The following SNAPC1 variants were observed in gnomAD, a reference collection of about 807,000 sequenced individuals.
SNAPC1 encodes snRNA-activating protein complex subunit 1.
A neutral mutation model predicts 50.1 loss-of-function variants in SNAPC1; 42 were observed. That is an observed-to-expected ratio of 0.84 (90% CI 0.65 to 1.08). The LOEUF (loss-of-function observed/expected upper bound fraction) is 1.08, where lower values mean the gene tolerates loss of function less well. Among genes scored for constraint, SNAPC1 ranks in the 50% least tolerant of loss-of-function variants. SNAPC1 has a pLI of 0.00. For synonymous variants in SNAPC1, 164 were observed against 144.2 expected, an observed-to-expected ratio of 1.14 and a Z score of -0.98; for missense variants, 477 against 427.3, an observed-to-expected ratio of 1.12 and a Z score of -1.02.
intron 2 of SNAPC1, 87 bp from the exon 3 acceptor site, chr14:61,767,125 A>T (rs1405427989): frequency 9.0e-7 from 1 of 1,109,528 alleles, no homozygotes; most frequent in African/African-American, 1.6e-5. Flanking sequence ...AATATGATTT[A>T]AATAAAATGC....
chr14:61,785,601 T>C lies in SNAPC1; in HGVS notation c.976+3204T>C, dbSNP rs556258963. Among the ~76,000 whole-genome samples the C allele has an allele frequency of 5.9e-5, 9 of 152,330 alleles. No homozygotes were observed. In the South Asian group the frequency reaches 1.9e-3, roughly 32 times the overall value. ...AGACATGTGCCCAGTGTGGTCGGGA[T>C]ACAGTTTGCTTTTATACATTTTAGG... On this transcript the variant is annotated intron_variant, in intron 8 of 9. Transcript: ENST00000216294.
intron 7 of SNAPC1, 57 bp downstream of exon 7, chr14:61,778,967 CA>C: frequency 1.0e-6 from 1 of 973,224 alleles, no homozygotes; most frequent in South Asian, 1.5e-5. Context: ...AATTATATTT[CA>C]ATTTTTCATC....
In SNAPC1 at chr14:61,762,549, C is replaced by T. The variant is rs747103185; in HGVS notation, c.89C>T (p.Thr30Met). ...GACAGTGTACGCTTCGAGGACTTCA[C>T]GGAGCTCTGGAGAAACATGAAGTTC... ...ETDSVRFEDF[T>M]ELWRNMKFGT... Residue 30 changes from threonine (T) to methionine (M), a missense_variant, in exon 1 of 10, where the codon ACG becomes ATG. Coordinates refer to ENST00000216294, the MANE Select transcript of SNAPC1 (RefSeq NM_003082.4). 1 of 1,597,894 alleles carries T rather than the reference C, an allele frequency of 6.3e-7. No individual in the cohort carries two copies. Among genetic ancestry groups the T allele is most frequent in the South Asian group, 1.1e-5 (1 of 89,166 alleles).
chr14:61,776,318 A>G, intron 5 of SNAPC1, 65 bp downstream of exon 5: 2 of 1,435,922 alleles, frequency 1.4e-6, no homozygotes, highest in Middle Eastern at 1.8e-4. Flanking sequence ...CGTGGATGAT[A>G]ATGTTGGGAG....
intron 5 of SNAPC1, 62 bp downstream of exon 5, chr14:61,776,315 G>A (rs1022119405): frequency 6.9e-7 from 1 of 1,444,782 alleles, no homozygotes. Context: ...ATCCGTGGAT[G>A]ATAATGTTGG....
intron 4 of SNAPC1, among the ~76,000 whole-genome samples, chr14:61,771,641 T>C (rs576811660): frequency 6.6e-6 from 1 of 152,292 alleles, no homozygotes; most frequent in South Asian, 2.1e-4. Context: ...ATAATGTTTA[T>C]GTTTGGAGTT....
chr14:61,768,603 T>C (rs2140175134), intron 3 of SNAPC1, 33 bp from the exon 4 acceptor site: 4 of 1,086,724 alleles, frequency 3.7e-6, no homozygotes, highest in Non-Finnish European at 4.2e-6. Context: ...GTTTAAAAGA[T>C]ACTCATTTAA....
intron 4 of SNAPC1, among the ~76,000 whole-genome samples, chr14:61,774,648 A>ATTTTTTTTTTT (rs35300490): frequency 2.2e-5 from 2 of 90,968 alleles, no homozygotes; most frequent in Non-Finnish European, 4.6e-5. Flanking sequence ...TCAGTTTCTC[A>ATTTTTTTTTTT]TTTTTTTTTT....
intron 4 of SNAPC1, among the ~76,000 whole-genome samples, chr14:61,771,660 G>A (rs2044992374): frequency 6.6e-6 from 1 of 152,164 alleles, no homozygotes; most frequent in Non-Finnish European, 1.5e-5. Context: ...TTGAGGTAAG[G>A]AGCTAGTTAG....
At chr14:61,769,698 A>G (rs1273997184) in intron 4 of SNAPC1, among the ~76,000 whole-genome samples, 1 of 152,110 alleles carries the variant, frequency 6.6e-6, no homozygotes, top group East Asian at 1.9e-4. Context: ...CACCCAGCCT[A>G]CTTCCTGAGT....
intron 4 of SNAPC1, among the ~76,000 whole-genome samples, chr14:61,774,744 A>T (rs1161971269): frequency 1.5e-5 from 2 of 135,746 alleles, no homozygotes; most frequent in African/African-American, 2.8e-5. Flanking sequence ...GCTTACCGCA[A>T]CCTCTGCCTC....
Position 61,792,795 on chromosome 14 carries a change from A to C in SNAPC1, c.977-12A>C, listed in dbSNP as rs749711072. The C allele has an allele frequency of 4.3e-6, 6 of 1,396,514 alleles. No homozygotes were observed. Among genetic ancestry groups the C allele is most frequent in the Non-Finnish European group, 5.9e-6 (6 of 1,019,402 alleles). The allele number at this position is 1,396,514 out of a possible 1,614,324, so 86.5% of individuals were successfully genotyped here. A position where few individuals can be genotyped will look rare whatever the true frequency, so the allele number is the denominator to read the frequency against. ...TTGCTTTCATATAAAATCATTTTCT[A>C]AATATTTCTAGGCAATGTGCAGAAT... On this transcript the variant is annotated splice_polypyrimidine_tract_variant and intron_variant, in intron 8 of 9. Coordinates refer to ENST00000216294, the MANE Select transcript of SNAPC1 (RefSeq NM_003082.4).
intron 4 of SNAPC1, among the ~76,000 whole-genome samples, chr14:61,772,451 G>T (rs59188344): frequency 0.13 from 19,057 of 152,196 alleles, 1,422 homozygotes; most frequent in Non-Finnish European, 0.16. Context: ...CGGCATCTTG[G>T]CCAGGCTGGT....
intron 7 of SNAPC1, among the ~76,000 whole-genome samples, chr14:61,781,450 CAAAAAAAAAA>C (rs769588943): frequency 4.7e-5 from 3 of 63,608 alleles, no homozygotes; most frequent in Admixed American, 3.4e-4. Context: ...ACTCCATCTC[CAAAAAAAAAA>C]AAAAAAAAAG....
At chr14:61,779,694 C>G (rs560526566) in intron 7 of SNAPC1, among the ~76,000 whole-genome samples, 23 of 124,982 alleles carry the variant, frequency 1.8e-4, no homozygotes, top group African/African-American at 6.8e-4. Flanking sequence ...TGTTTGAACT[C>G]TTTCACTTTG....
At chr14:61,792,445 GTAAT>G (rs1294904371) in intron 8 of SNAPC1, among the ~76,000 whole-genome samples, 3 of 152,186 alleles carry the variant, frequency 2.0e-5, no homozygotes, top group Non-Finnish European at 4.4e-5. Flanking sequence ...AATTACATTT[GTAAT>G]TAATTTAATA....
Position 61,794,930 on chromosome 14 carries a change from T to C in SNAPC1, c.1073-19T>C. On this transcript the variant is annotated intron_variant, in intron 9 of 9. Transcript: ENST00000216294. ...TTTTGTTTTTAGATCTGACTGACTTTTAAACTTTATGTCTTTAGAGTTCAC... is the reference window on the plus strand; with the variant it reads ...TTTTGTTTTTAGATCTGACTGACTTCTAAACTTTATGTCTTTAGAGTTCAC... 1 of 1,572,054 alleles carries C rather than the reference T, an allele frequency of 6.4e-7. No individual in the cohort carries two copies. Among genetic ancestry groups the C allele is most frequent in the Non-Finnish European group, 8.7e-7 (1 of 1,150,022 alleles).
intron 4 of SNAPC1, among the ~76,000 whole-genome samples, chr14:61,769,910 C>CA (rs1267265613): frequency 6.6e-6 from 1 of 152,118 alleles, no homozygotes; most frequent in African/African-American, 2.4e-5. Context: ...TATTCCAAAT[C>CA]AATGATATTT....
At chr14:61,792,973 C>T (rs932052885) in intron 9 of SNAPC1, 71 bp downstream of exon 9, 1 of 717,008 alleles carries the variant, frequency 1.4e-6, no homozygotes, top group Non-Finnish European at 2.4e-6. Context: ...GGTTTAGAAC[C>T]CTTGAGGAAC....
Sources: gnomAD v4.1 joint callset for allele counts (sites outside exome capture counted in the v4.1 genomes callset) on GRCh38, gnomAD v4.1.1 for gene constraint, MANE v1.5 for transcripts, NCBI Gene and HGNC (gene_info 2026-07-23, HGNC 2026-07-21) for gene names.